The following ATXN1 variants were observed in gnomAD, a reference collection of about 807,000 sequenced individuals.
ATXN1 encodes the protein ataxin-1.
ATXN1 carries 8 observed loss-of-function variants against 56.4 expected under a neutral mutation model. The observed-to-expected ratio is 0.14, with a 90% CI of 0.08 to 0.26. The LOEUF (loss-of-function observed/expected upper bound fraction) is 0.26, where lower values mean the gene tolerates loss of function less well. Ranked by LOEUF, ATXN1 falls within the 10% of genes least tolerant of loss-of-function variation. ATXN1 has a pLI of 1.00. For synonymous variants in ATXN1, 514 were observed against 494.6 expected (o/e 1.04, Z -0.52); for missense variants, 987 against 1,106.5 (o/e 0.89, Z 1.53).
intron 6 of ATXN1, among the ~76,000 whole-genome samples, chr6:16,338,830 G>A (rs1761181927): frequency 6.6e-6 from 1 of 152,144 alleles, no homozygotes; most frequent in Admixed American, 6.5e-5. Flanking sequence ...GAAGTGATGG[G>A]TGTTTGAGAG....
intron 6 of ATXN1, among the ~76,000 whole-genome samples, chr6:16,443,208 C>CAAAAAAAAAAAAAAAAAAAAAAAAAAAAA (rs70999325): frequency 2.5e-5 from 1 of 40,758 alleles, no homozygotes; most frequent in African/African-American, 1.1e-4. Context: ...TCTATTGGAG[C>CAAAAAAAAAAAAAAAAAAAAAAAAAAAAA]AAAAAAAAAA....
chr6:16,546,913 A>C (rs1428388240), intron 4 of ATXN1, among the ~76,000 whole-genome samples: 1 of 152,242 alleles, frequency 6.6e-6, no homozygotes, highest in Non-Finnish European at 1.5e-5. Context: ...AACATGCTGA[A>C]ATGGAAGTTT....
chr6:16,666,832 T>C (rs1449236316), intron 2 of ATXN1: 1 of 152,106 alleles, frequency 6.6e-6, no homozygotes, highest in African/African-American at 2.4e-5. Context: ...AACACTTTCT[T>C]CCAATCTAGG....
At chr6:16,615,618 T>C (rs1763193141) in intron 3 of ATXN1, 1 of 150,942 alleles carries the variant, frequency 6.6e-6, no homozygotes, top group Non-Finnish European at 1.5e-5. Flanking sequence ...GGTTTTCTCT[T>C]AAATATTCTG....
chr6:16,759,530 G>GTTTTTTTTTTTT (rs1046854905), intron 1 of ATXN1, among the ~76,000 whole-genome samples: 1 of 45,926 alleles, frequency 2.2e-5, no homozygotes, highest in Non-Finnish European at 4.3e-5. Context: ...TCTTCCGACT[G>GTTTTTTTTTTTT]TTTTTTTTTT....
chr6:16,525,634 C>G (rs1435207117), intron 4 of ATXN1, among the ~76,000 whole-genome samples: 1 of 151,876 alleles, frequency 6.6e-6, no homozygotes, highest in Non-Finnish European at 1.5e-5. Flanking sequence ...TGACTATAGT[C>G]AATAATAACT....
At chr6:16,494,810 T>C (rs978464808) in intron 5 of ATXN1, among the ~76,000 whole-genome samples, 1 of 152,246 alleles carries the variant, frequency 6.6e-6, no homozygotes, top group Non-Finnish European at 1.5e-5. Flanking sequence ...CATGTGCTCC[T>C]ATTGACAACT....
At chr6:16,743,893 T>C (rs1351256282) in intron 2 of ATXN1, among the ~76,000 whole-genome samples, 5 of 152,060 alleles carry the variant, frequency 3.3e-5, no homozygotes, top group Non-Finnish European at 5.9e-5. Context: ...CAGGGCAACA[T>C]GTGAGTGATG....
intron 2 of ATXN1, among the ~76,000 whole-genome samples, chr6:16,687,657 TACACACACAC>T (rs57034032): frequency 4.4e-4 from 63 of 143,386 alleles, no homozygotes; most frequent in South Asian, 2.9e-3. Flanking sequence ...AAAGAAGAAA[TACACACACAC>T]ACACACACAC....
At chr6:16,389,801 G>C (rs999530799) in intron 6 of ATXN1, among the ~76,000 whole-genome samples, 20 of 152,146 alleles carry the variant, frequency 1.3e-4, no homozygotes, top group African/African-American at 4.8e-4. Context: ...CAGCCCACAG[G>C]GCTCACAGGT....
chr6:16,630,255 G>A (rs1251287629), intron 3 of ATXN1, among the ~76,000 whole-genome samples: 2 of 152,188 alleles, frequency 1.3e-5, no homozygotes, highest in Non-Finnish European at 2.9e-5. Context: ...AGGCAAACAG[G>A]AAAAACCTGT....
At position 16,447,468 on chromosome 6, in the gene ATXN1, C is replaced by T. The variant is rs143580235; in HGVS notation, c.-161+38504G>A. Among the ~76,000 whole-genome samples the T allele has an allele frequency of 2.6e-3, 398 of 152,322 alleles. 2 individuals are homozygous for T. The highest frequency in any genetic ancestry group is 9.1e-3 in the African/African-American group (379 of 41,566). On this transcript the variant is annotated intron_variant, in intron 6 of 7. Coordinates refer to ENST00000436367, the MANE Select transcript of ATXN1 (RefSeq NM_001128164.2). ...CAAACTCCTGGCCTCAAGTGATCCA[C>T]CTGCCTCAGCCTCCCAAAGTGCTAG... is the stretch of plus-strand genomic sequence containing the variant.
At chr6:16,447,575 TTGAACTTCTGGCG>T (rs769613687) in intron 6 of ATXN1, among the ~76,000 whole-genome samples, 3 of 152,156 alleles carry the variant, frequency 2.0e-5, no homozygotes, top group Non-Finnish European at 4.4e-5. Flanking sequence ...CAGGCTGGTT[TTGAACTTCTGGCG>T]TCAAGTGATC....
intron 6 of ATXN1, among the ~76,000 whole-genome samples, chr6:16,384,207 C>T (rs1326285781): frequency 6.6e-6 from 1 of 152,160 alleles, no homozygotes. Flanking sequence ...CCACAACAGT[C>T]AATGCTTTAA....
intron 6 of ATXN1, among the ~76,000 whole-genome samples, chr6:16,353,859 A>ATGTGATGC (rs1761624370): frequency 6.6e-6 from 1 of 152,218 alleles, no homozygotes; most frequent in Non-Finnish European, 1.5e-5. Flanking sequence ...TCAGAAATAC[A>ATGTGATGC]TGTGATGCTG....
intron 6 of ATXN1, among the ~76,000 whole-genome samples, chr6:16,480,177 AT>A (rs1262678500): frequency 2.0e-5 from 3 of 150,592 alleles, no homozygotes; most frequent in Non-Finnish European, 4.4e-5. Context: ...AAAAAAAAAA[AT>A]ATCTAAAATG....
intron 4 of ATXN1, among the ~76,000 whole-genome samples, chr6:16,532,977 A>G (rs1030403441): frequency 2.6e-5 from 4 of 152,246 alleles, no homozygotes; most frequent in Admixed American, 2.6e-4. Context: ...AAGTGGAAGC[A>G]ACCTAAGTGT....
intron 7 of ATXN1, among the ~76,000 whole-genome samples, chr6:16,320,277 C>T (rs564168910): frequency 2.0e-5 from 3 of 152,234 alleles, no homozygotes; most frequent in Non-Finnish European, 4.4e-5. Context: ...CCAGTAAGTA[C>T]ATCATGATAA....
At chr6:16,458,510 G>C (rs572923892) in intron 6 of ATXN1, among the ~76,000 whole-genome samples, 1 of 152,268 alleles carries the variant, frequency 6.6e-6, no homozygotes, top group African/African-American at 2.4e-5. Context: ...CCTTGGCCCT[G>C]AACAAAATCT....
Sources: allele counts gnomAD v4.1 joint callset (sites outside exome capture counted in the v4.1 genomes callset), GRCh38; gene constraint gnomAD v4.1.1; transcripts MANE v1.5; gene names NCBI Gene and HGNC (gene_info 2026-07-23, HGNC 2026-07-21).